The following PAQR4 variants were observed in gnomAD, a reference collection of about 807,000 sequenced individuals.
PAQR4 encodes the protein progestin and adipoQ receptor family member 4.
In PAQR4, 26 loss-of-function variants were observed where a neutral mutation model predicts 20.9. That is an observed-to-expected ratio of 1.24 (90% CI 0.91 to 1.73). The LOEUF is 1.73. Ranked by LOEUF, PAQR4 falls within the 40% of genes most tolerant of loss-of-function variation. The pLI, the probability that PAQR4 is intolerant of heterozygous loss-of-function variation, is 0.00. For missense variants in PAQR4, 400 were observed against 380.1 expected, an observed-to-expected ratio of 1.05 and a Z score of -0.44; for synonymous variants, 193 against 171.6, an observed-to-expected ratio of 1.12 and a Z score of -0.97.
chr16:2,970,441 A>C (rs957122455), intron 1 of PAQR4, among the ~76,000 whole-genome samples: 1 of 152,282 alleles, frequency 6.6e-6, no homozygotes, highest in South Asian at 2.1e-4. Flanking sequence ...CCACATTCTC[A>C]CAAGGGTGGG....
chr16:2,969,964 C>T (rs2071936262), intron 1 of PAQR4, 124 bp downstream of exon 1: 15 of 1,265,688 alleles, frequency 1.2e-5, no homozygotes, highest in Non-Finnish European at 1.6e-5. Context: ...CCTGGCACCG[C>T]CAGTAGCCGC....
At chr16:2,971,115 T>C (rs4786365) in intron 1 of PAQR4, 42 bp from the exon 2 acceptor site, 1,140,864 of 1,584,528 alleles carry the variant, frequency 0.72, 413,698 homozygotes, top group African/African-American at 0.76. Flanking sequence ...CCCTTGAGGA[T>C]GTGACTGAAA....
chr16:2,971,996 C>A lies in PAQR4; in HGVS notation c.*48C>A. Reference sequence around the variant, plus strand: ...AGCAGCCTCCTAGAGTTAGCAACACCAGGTGTTCCTCCCAACTCGTCTGCA... The same window carrying A: ...AGCAGCCTCCTAGAGTTAGCAACACAAGGTGTTCCTCCCAACTCGTCTGCA... On this transcript the variant is annotated 3_prime_UTR_variant, in exon 3 of 3. Transcript: ENST00000318782. 6.7e-7 allele frequency: 1 copy of A among 1,491,836 alleles called. No individual in the cohort carries two copies. The highest frequency in any genetic ancestry group is 2.3e-5 in the East Asian group (1 of 42,804). The allele number at this position is 1,491,836 out of a possible 1,614,324, so 92.4% of individuals were successfully genotyped here.
rs1442329455 is a variant in PAQR4, at chr16:2,973,467, A to G, written c.*1519A>G. On this transcript the variant is annotated 3_prime_UTR_variant, in exon 3 of 3. Coordinates refer to ENST00000318782, the MANE Select transcript of PAQR4 (RefSeq NM_152341.5). Reference sequence around the variant, plus strand: ...TGGACTTGGAGGCAGATTTGAAATAAACTTTTAGTAAATGTAAGCCTTTCT... The same window carrying G: ...TGGACTTGGAGGCAGATTTGAAATAGACTTTTAGTAAATGTAAGCCTTTCT... 1.4e-5 allele frequency: 21 copies of G among 1,506,284 alleles called. No homozygotes were observed. The highest frequency in any genetic ancestry group is 1.8e-6 in the Non-Finnish European group (2 of 1,129,064). 93.3% of individuals were successfully genotyped at this position (1,506,284 alleles called of 1,614,324 possible). A position where few individuals can be genotyped will look rare whatever the true frequency, so the allele number is the denominator to read the frequency against.
rs761990695 is a variant in PAQR4 at position 2,971,495 on chromosome 16, T to A, written c.389-20T>A. Reference sequence around the variant, plus strand: ...ACCCTCACAATGACATGCCCTCTCCTGTTCTCTCCTCTTGTGCAGGGGCCC... The same window carrying A: ...ACCCTCACAATGACATGCCCTCTCCAGTTCTCTCCTCTTGTGCAGGGGCCC... On this transcript the variant is annotated intron_variant, in intron 2 of 2. Coordinates refer to ENST00000318782, the MANE Select transcript of PAQR4 (RefSeq NM_152341.5). 1 of 1,577,884 alleles carries A rather than the reference T, an allele frequency of 6.3e-7. No homozygotes were observed. Among genetic ancestry groups the A allele is most frequent in the Non-Finnish European group, 8.6e-7 (1 of 1,166,028 alleles).
Position 2,972,376 on chromosome 16 carries a change from G to A in PAQR4, c.*428G>A. On this transcript the variant is annotated 3_prime_UTR_variant, in exon 3 of 3. Coordinates refer to ENST00000318782, the MANE Select transcript of PAQR4 (RefSeq NM_152341.5). ...TTCCTGATCTCCATCTTTCTGCCCT[G>A]CATACCAGCCCTCCCAGCAGCCACA... 1 of 543,402 alleles carries A rather than the reference G, an allele frequency of 1.8e-6. No homozygotes were observed. The highest frequency in any genetic ancestry group is 3.3e-6 in the Non-Finnish European group (1 of 305,230). The allele number at this position is 543,402 out of a possible 1,614,324, so 33.7% of individuals were successfully genotyped here. A position where few individuals can be genotyped will look rare whatever the true frequency, so the allele number is the denominator to read the frequency against.
rs537175870 is a variant in PAQR4, at chr16:2,971,673, G to A, written c.547G>A (p.Ala183Thr). 46 of 1,611,540 alleles carry A rather than the reference G, an allele frequency of 2.9e-5. No homozygotes were observed. The East Asian group carries it at 9.4e-4, about 33-fold the overall frequency. The change falls in exon 3 of 3, where the codon GCC becomes ACC. Residue 183 changes from alanine to threonine, a missense_variant. Ala to Thr is a moderately conservative substitution (Grantham distance 58). Coordinates refer to ENST00000318782, the MANE Select transcript of PAQR4 (RefSeq NM_152341.5). Reference protein sequence around the residue: ...RLRAFGWQAAARLLVFGARGV... With the variant: ...RLRAFGWQAATRLLVFGARGV... The stretch of plus-strand genomic sequence containing the variant: ...CCGGGCATTTGGATGGCAGGCTGCT[G>A]CCCGCCTACTGGTATTTGGGGCCCG...
At position 2,969,708 on chromosome 16, in the gene PAQR4, TG is replaced by T; in HGVS notation, c.37del (p.Ala13ProfsTer14). 6.3e-7 allele frequency: 1 copy of T among 1,597,750 alleles called. No homozygotes were observed. Among genetic ancestry groups the T allele is most frequent in the Non-Finnish European group, 8.5e-7 (1 of 1,173,548 alleles). On this transcript the variant is annotated frameshift_variant, in exon 1 of 3. Coordinates refer to ENST00000318782, the MANE Select transcript of PAQR4 (RefSeq NM_152341.5). LOFTEE classifies it high-confidence loss of function. The stretch of plus-strand genomic sequence containing the variant: ...CCTGGCCGGGCCGCGCCTGCTGGAC[TG>T]GGCCAGCTCGCCGCCGCACCTGCAG... ...AFLAGPRLLD[W>X]ASSPPHLQFN... is the part of the protein sequence containing the mutation.
At chr16:2,970,588 G>A (rs1194855884) in intron 1 of PAQR4, among the ~76,000 whole-genome samples, 2 of 152,188 alleles carry the variant, frequency 1.3e-5, no homozygotes, top group African/African-American at 4.8e-5. Flanking sequence ...CAAGCCCCTC[G>A]AAGCCCCCTT....
At chr16:2,969,935 A>G in intron 1 of PAQR4, 95 bp downstream of exon 1, 2 of 1,502,704 alleles carry the variant, frequency 1.3e-6, no homozygotes, top group Non-Finnish European at 9.0e-7. Flanking sequence ...CCAGCGCCCA[A>G]GTCCAGGGCT....
Position 2,972,969 on chromosome 16 carries a change from G to T in PAQR4, c.*1021G>T, listed in dbSNP as rs759485953. 2 of 1,608,614 alleles carry T rather than the reference G, an allele frequency of 1.2e-6. No individual in the cohort carries two copies. Among genetic ancestry groups the T allele is most frequent in the South Asian group, 1.1e-5 (1 of 89,476 alleles). ...GTCTGGGGCTCAGGTTGGGTCTAGG[G>T]TGTCCTCAAACAGGCTGAGGAGGTT... On this transcript the variant is annotated 3_prime_UTR_variant, in exon 3 of 3. Coordinates refer to ENST00000318782, the MANE Select transcript of PAQR4 (RefSeq NM_152341.5).
Position 2,969,553 on chromosome 16 carries a change from A to C in PAQR4, c.-122A>C. On this transcript the variant is annotated 5_prime_UTR_variant, in exon 1 of 3. Coordinates refer to ENST00000318782, the MANE Select transcript of PAQR4 (RefSeq NM_152341.5). ...GCCAGCGCGTGCGCCGATCGAGCGC[A>C]GGGCGATGGGTGGGCGCCGGGCGCC... The C allele has an allele frequency of 8.6e-7, 1 of 1,164,868 alleles. No individual in the cohort carries two copies. The highest frequency in any genetic ancestry group is 4.3e-5 in the Admixed American group (1 of 23,442). The allele number at this position is 1,164,868 out of a possible 1,614,324, so 72.2% of individuals were successfully genotyped here.
intron 1 of PAQR4, chr16:2,970,138 C>A: frequency 2.9e-6 from 1 of 342,972 alleles, no homozygotes; most frequent in East Asian, 6.7e-5. Context: ...ATCCCAGCGC[C>A]CTGGGAACCC....
rs1279649271 is a variant in PAQR4, at chr16:2,973,016, G to A, written c.*1068G>A. 25 of 1,610,004 alleles carry A rather than the reference G, an allele frequency of 1.6e-5. No individual in the cohort carries two copies. Among genetic ancestry groups the A allele is most frequent in the Non-Finnish European group, 2.1e-5 (25 of 1,179,084 alleles). ...GGTTCCGAGGCTCAAAGGAGGGGAA[G>A]GAGCCCCGAGGAGGCTCTGAGTTGA... On this transcript the variant is annotated 3_prime_UTR_variant, in exon 3 of 3. Coordinates refer to ENST00000318782, the MANE Select transcript of PAQR4 (RefSeq NM_152341.5).
At chr16:2,970,379 G>A (rs1172019847) in intron 1 of PAQR4, 1 of 155,294 alleles carries the variant, frequency 6.4e-6, no homozygotes, top group Non-Finnish European at 1.4e-5. Context: ...GCGGGCAAGG[G>A]GCCCTGAGCG....
chr16:2,972,774 G>A lies in PAQR4; in HGVS notation c.*826G>A. The A allele has an allele frequency of 6.5e-7, 1 of 1,539,954 alleles. No homozygotes were observed. The highest frequency in any genetic ancestry group is 8.7e-7 in the Non-Finnish European group (1 of 1,145,636). ...AAGACCCTGGATGACATCAATAAAG[G>A]GACAGGAAGGGCCATGTTGCCACAT... On this transcript the variant is annotated 3_prime_UTR_variant, in exon 3 of 3. Coordinates refer to ENST00000318782, the MANE Select transcript of PAQR4 (RefSeq NM_152341.5).
Position 2,971,286 on chromosome 16 carries a change from A to G in PAQR4, c.296A>G (p.Tyr99Cys), listed in dbSNP as rs763039814. 12 of 1,612,942 alleles carry G rather than the reference A, an allele frequency of 7.4e-6. No individual in the cohort carries two copies. The highest frequency in any genetic ancestry group is 6.7e-5 in the Admixed American group (4 of 60,024). Residue 99 changes from tyrosine to cysteine, a missense_variant, in exon 2 of 3, where the codon TAT becomes TGT. Transcript: ENST00000318782. ...GCACCCCCTGCAGGCTCCGTGCTCT[A>G]TCACCTCTTTATGTGCCACCAAGGG... Reference protein sequence around the residue: ...CLAPPAGSVLYHLFMCHQGGS... With the variant: ...CLAPPAGSVLCHLFMCHQGGS...
chr16:2,971,488 C>A, intron 2 of PAQR4, 27 bp from the exon 3 acceptor site: 1 of 1,576,150 alleles, frequency 6.3e-7, no homozygotes, highest in South Asian at 1.1e-5. Context: ...AATGACATGC[C>A]CTCTCCTGTT....
In PAQR4 at chr16:2,972,784, G is replaced by A. The variant is rs2072032224; in HGVS notation, c.*836G>A. 6.5e-7 allele frequency: 1 copy of A among 1,539,464 alleles called. No individual in the cohort carries two copies. Among genetic ancestry groups the A allele is most frequent in the Non-Finnish European group, 8.7e-7 (1 of 1,143,930 alleles). On this transcript the variant is annotated 3_prime_UTR_variant, in exon 3 of 3. Transcript: ENST00000318782. ...ATGACATCAATAAAGGGACAGGAAG[G>A]GCCATGTTGCCACATGAGCAAGCTT...
Sources: gnomAD v4.1 joint callset for allele counts (sites outside exome capture counted in the v4.1 genomes callset) on GRCh38, gnomAD v4.1.1 for gene constraint, MANE v1.5 for transcripts, NCBI Gene and HGNC (gene_info 2026-07-23, HGNC 2026-07-21) for gene names.